The following ARHGEF3 variants were observed in gnomAD, a reference collection of about 807,000 sequenced individuals.
ARHGEF3 encodes the protein Rho guanine nucleotide exchange factor 3, also known as 59.8 kDA protein.
Under a neutral mutation model 63.2 loss-of-function variants are expected in ARHGEF3, and 28 were observed. The observed-to-expected ratio is 0.44, with a 90% confidence interval of 0.33 to 0.61. ARHGEF3 has a LOEUF of 0.61. Among genes scored for constraint, ARHGEF3 ranks in the 20% least tolerant of loss-of-function variants. The pLI is 0.03. For synonymous variants in ARHGEF3, 266 were observed against 254.2 expected (o/e 1.05, Z -0.44); for missense variants, 533 against 659.3 (o/e 0.81, Z 2.10).
At chr3:57,019,915 C>T (rs138862757) in intron 2 of ARHGEF3, among the ~76,000 whole-genome samples, 4 of 151,848 alleles carry the variant, frequency 2.6e-5, no homozygotes, top group Admixed American at 2.0e-4. Flanking sequence ...GATTTATGAA[C>T]GAGACAGAGT....
At chr3:56,761,623 G>A (rs1018678784) in intron 2 of ARHGEF3, among the ~76,000 whole-genome samples, 1 of 152,118 alleles carries the variant, frequency 6.6e-6, no homozygotes, top group African/African-American at 2.4e-5. Context: ...ATGATTAAAT[G>A]TTATGCTTGC....
At chr3:56,910,499 G>T (rs2041827105) in intron 3 of ARHGEF3, among the ~76,000 whole-genome samples, 1 of 152,268 alleles carries the variant, frequency 6.6e-6, no homozygotes, top group Middle Eastern at 3.4e-3. Flanking sequence ...TATAATCTCA[G>T]ACCATATGCA....
chr3:56,807,970 G>A (rs9853908), intron 4 of ARHGEF3, among the ~76,000 whole-genome samples: 4,990 of 151,822 alleles, frequency 0.033, 271 homozygotes, highest in African/African-American at 0.11. Flanking sequence ...CTAAAAATAC[G>A]AAAATTAGCC....
In ARHGEF3 at chr3:56,891,629, G is replaced by A. The variant is rs576987244; in HGVS notation, c.130-9275C>T. On this transcript the variant is annotated intron_variant, in intron 3 of 12. Transcript: ENST00000338458. Reference sequence around the variant, plus strand: ...ATTTATTTGTTGTGGAACCTTAAGCGCATCATTTTACCTCTCTGCACCTTA... The same window carrying A: ...ATTTATTTGTTGTGGAACCTTAAGCACATCATTTTACCTCTCTGCACCTTA... Among the ~76,000 whole-genome samples the A allele has an allele frequency of 3.9e-5, 6 of 152,204 alleles. No individual in the cohort carries two copies. The South Asian group carries it at 8.3e-4, about 21-fold the overall frequency.
intron 3 of ARHGEF3, among the ~76,000 whole-genome samples, chr3:56,948,759 C>A (rs1442978952): frequency 4.6e-5 from 7 of 152,096 alleles, no homozygotes; most frequent in Admixed American, 2.0e-4. Flanking sequence ...AAAAGAGGGA[C>A]TCCTCCCTAA....
intron 1 of ARHGEF3, among the ~76,000 whole-genome samples, chr3:57,039,481 C>G (rs1704091269): frequency 6.6e-6 from 1 of 152,178 alleles, no homozygotes; most frequent in Non-Finnish European, 1.5e-5. Context: ...GCACCATGCA[C>G]AACTCCCCTA....
At chr3:56,980,350 A>C (rs1451691515) in intron 2 of ARHGEF3, among the ~76,000 whole-genome samples, 1 of 152,226 alleles carries the variant, frequency 6.6e-6, no homozygotes, top group Non-Finnish European at 1.5e-5. Context: ...ACAGTGGTGA[A>C]TATTTCATGT....
At chr3:56,734,730 CACAA>C in intron 8 of ARHGEF3, among the ~76,000 whole-genome samples, 1 of 152,058 alleles carries the variant, frequency 6.6e-6, no homozygotes. Context: ...CCCAAACACA[CACAA>C]ACAGAAACAA....
intron 3 of ARHGEF3, among the ~76,000 whole-genome samples, chr3:56,931,692 A>G (rs1232072962): frequency 1.3e-5 from 2 of 151,872 alleles, no homozygotes; most frequent in Non-Finnish European, 2.9e-5. Flanking sequence ...ACAGGCTGCC[A>G]TATTAGGTAT....
At chr3:56,819,875 T>C (rs774916649) in intron 4 of ARHGEF3, among the ~76,000 whole-genome samples, 2 of 151,474 alleles carry the variant, frequency 1.3e-5, no homozygotes, top group African/African-American at 2.4e-5. Context: ...AGTGGCACAG[T>C]TGTGGCTCAC....
intron 3 of ARHGEF3, among the ~76,000 whole-genome samples, chr3:56,949,511 G>C (rs1272160271): frequency 1.3e-5 from 2 of 151,938 alleles, no homozygotes; most frequent in African/African-American, 4.8e-5. Context: ...GCCAAATCAT[G>C]AGTGAACTCC....
At chr3:56,963,754 T>C (rs1700372671) in intron 2 of ARHGEF3, among the ~76,000 whole-genome samples, 1 of 152,236 alleles carries the variant, frequency 6.6e-6, no homozygotes, top group Non-Finnish European at 1.5e-5. Flanking sequence ...TTTATTCTGA[T>C]TGAACCACTT....
At chr3:56,805,716 T>C (rs2037840850), upstream of ARHGEF3, among the ~76,000 whole-genome samples, 1 of 152,160 alleles carries the variant, frequency 6.6e-6, no homozygotes. Flanking sequence ...AACATATATA[T>C]GACAAACATA....
intron 8 of ARHGEF3, among the ~76,000 whole-genome samples, chr3:56,734,551 C>A (rs551550775): frequency 3.7e-4 from 57 of 152,302 alleles, no homozygotes; most frequent in Non-Finnish European, 7.6e-4. Context: ...ATCCTTGTAA[C>A]AAACCTGCAC....
chr3:57,068,782 A>G (rs1705706903), intron 1 of ARHGEF3, among the ~76,000 whole-genome samples: 1 of 152,112 alleles, frequency 6.6e-6, no homozygotes, highest in African/African-American at 2.4e-5. Context: ...GTTAGGTTAT[A>G]TCATTGTGTT....
At chr3:56,766,921 T>C (rs946412061) in intron 2 of ARHGEF3, among the ~76,000 whole-genome samples, 4 of 152,216 alleles carry the variant, frequency 2.6e-5, no homozygotes, top group African/African-American at 4.8e-5. Flanking sequence ...CTGTTATCTA[T>C]AATGATGAAA....
intron 4 of ARHGEF3, among the ~76,000 whole-genome samples, chr3:56,812,940 T>C (rs2038124901): frequency 6.6e-6 from 1 of 151,946 alleles, no homozygotes; most frequent in African/African-American, 2.4e-5. Context: ...GAGTGGGAGG[T>C]AGGGAGGAAA....
intron 1 of ARHGEF3, chr3:57,060,914 A>G (rs1705190367): frequency 6.6e-6 from 1 of 151,562 alleles, no homozygotes; most frequent in Non-Finnish European, 1.5e-5. Context: ...CATAAGTTCA[A>G]TCTATAAAGA....
rs193030250 is a variant in ARHGEF3 at position 56,968,972 on chromosome 3, C to T, written c.63-10083G>A. On this transcript the variant is annotated intron_variant, in intron 2 of 12. Transcript: ENST00000338458. ...CCATGTCTTAGCAGTTGGTGACAAC[C>T]AAAATACATAAATTGAGAACCCCTG... Among the ~76,000 whole-genome samples, 247 of 152,000 alleles carry T rather than the reference C, an allele frequency of 1.6e-3. 1 individual carries two copies. Among genetic ancestry groups the T allele is most frequent in the Middle Eastern group, 6.8e-3 (2 of 294 alleles).
Sources: gnomAD v4.1 joint callset for allele counts (sites outside exome capture counted in the v4.1 genomes callset) on GRCh38, gnomAD v4.1.1 for gene constraint, MANE v1.5 for transcripts, NCBI Gene and HGNC (gene_info 2026-07-23, HGNC 2026-07-21) for gene names.